Variants in ACOT7 observed in about 807,000 individuals in gnomAD.
ACOT7 encodes the protein acyl-CoA thioesterase 7, also known as cytosolic acyl coenzyme A thioester hydrolase.
ACOT7 carries 12 observed loss-of-function variants against 40.2 expected under a neutral mutation model. The observed-to-expected ratio is 0.30, with a 90% CI of 0.19 to 0.48. The LOEUF is 0.48. ACOT7 is among the 20% of genes least tolerant of loss of function. The pLI, the probability that ACOT7 is intolerant of heterozygous loss-of-function variation, is 0.99. For synonymous variants in ACOT7, 228 were observed against 219.5 expected (o/e 1.04, Z -0.34); for missense variants, 395 against 530.8 (o/e 0.74, Z 2.51).
rs1464405300 is a variant in ACOT7 at position 6,274,185 on chromosome 1, G to A, written c.1014+6917C>T. 3.3e-5 allele frequency among the ~76,000 whole-genome samples: 5 copies of A among 152,194 alleles called. No homozygotes were observed. The highest frequency in any genetic ancestry group is 5.9e-5 in the Non-Finnish European group (4 of 68,024). On this transcript the variant is annotated intron_variant, in intron 8 of 8. Coordinates refer to ENST00000361521, the MANE Select transcript of ACOT7 (RefSeq NM_007274.4). The surrounding 1 kb of genome is among the most constrained non-coding windows in gnomAD (Gnocchi z 5.9). ...CCCCATGCTTCCTCCTAAGTGCAAA[G>A]GGGCGAGGGACCTTCCAATTACAGC...
At chr1:6,335,327 C>CAAAA (rs58439931) in intron 3 of ACOT7, among the ~76,000 whole-genome samples, 10 of 58,330 alleles carry the variant, frequency 1.7e-4, no homozygotes, top group African/African-American at 5.6e-4. Flanking sequence ...AACTCTGCCT[C>CAAAA]AAAAAAAAAA....
At position 6,358,716 on chromosome 1, in the gene ACOT7, T is replaced by G. The variant is rs954559631; in HGVS notation, c.144-8850A>C. 2.6e-6 allele frequency: 3 copies of G among 1,149,612 alleles called. No homozygotes were observed. The highest frequency in any genetic ancestry group is 3.8e-6 in the Non-Finnish European group (3 of 782,700). 71.2% of individuals were successfully genotyped at this position (1,149,612 alleles called of 1,614,324 possible). On this transcript the variant is annotated intron_variant, in intron 1 of 8. Coordinates refer to ENST00000361521, the MANE Select transcript of ACOT7 (RefSeq NM_007274.4). The surrounding 1 kb of genome is among the most constrained non-coding windows in gnomAD (Gnocchi z 4.1). ...GGCTGCATGACACCAGCCAGCCTGC[T>G]GGGCACAGGGGCCGAGTCCCCTCTA...
chr1:6,393,510 C>T lies in ACOT7; in HGVS notation c.-111G>A. The stretch of plus-strand genomic sequence containing the variant: ...GACCCCGCCCCCGCGCCGGCCCCAC[C>T]CCGAGCCCCGCCTCCCAGGCCGCCA... On this transcript the variant is annotated 5_prime_UTR_variant, in exon 1 of 9. Coordinates refer to ENST00000361521, the MANE Select transcript of ACOT7 (RefSeq NM_007274.4). 1.0e-6 allele frequency: 1 copy of T among 1,001,130 alleles called. No homozygotes were observed. The highest frequency in any genetic ancestry group is 1.3e-6 in the Non-Finnish European group (1 of 786,416). 62.0% of individuals were successfully genotyped at this position (1,001,130 alleles called of 1,614,324 possible). A position where few individuals can be genotyped will look rare whatever the true frequency, so the allele number is the denominator to read the frequency against.
intron 6 of ACOT7, among the ~76,000 whole-genome samples, chr1:6,298,915 G>C (rs1244467585): frequency 6.6e-6 from 1 of 152,238 alleles, no homozygotes. Flanking sequence ...GGCAGCCTCA[G>C]CTTCTGAATT....
chr1:6,353,570 G>C (rs528333932), intron 1 of ACOT7, among the ~76,000 whole-genome samples: 8 of 152,168 alleles, frequency 5.3e-5, no homozygotes, highest in Admixed American at 2.6e-4. Context: ...AAAGGCAGAG[G>C]TTGCAGTGGG....
At chr1:6,320,489 C>T (rs769949656) in intron 5 of ACOT7, among the ~76,000 whole-genome samples, 5 of 152,090 alleles carry the variant, frequency 3.3e-5, no homozygotes, top group African/African-American at 4.8e-5. Context: ...GTTGGAGATG[C>T]GGGGATTCAG....
chr1:6,364,317 G>C (rs1054503852), intron 1 of ACOT7, among the ~76,000 whole-genome samples: 2 of 148,446 alleles, frequency 1.3e-5, no homozygotes, highest in African/African-American at 2.5e-5. Context: ...CAAGGCAGGT[G>C]GATCACCTGA....
Position 6,358,730 on chromosome 1 carries a change from G to T in ACOT7, c.144-8864C>A, listed in dbSNP as rs1435249615. On this transcript the variant is annotated intron_variant, in intron 1 of 8. Coordinates refer to ENST00000361521, the MANE Select transcript of ACOT7 (RefSeq NM_007274.4). The surrounding 1 kb of genome is among the most constrained non-coding windows in gnomAD (Gnocchi z 4.1). Reference sequence around the variant, plus strand: ...AGCCAGCCTGCTGGGCACAGGGGCCGAGTCCCCTCTACCCACCCTTCCCTT... The same window carrying T: ...AGCCAGCCTGCTGGGCACAGGGGCCTAGTCCCCTCTACCCACCCTTCCCTT... 1.4e-5 allele frequency: 18 copies of T among 1,291,302 alleles called. No homozygotes were observed. The Middle Eastern group carries it at 9.3e-4, about 67-fold the overall frequency. The allele number at this position is 1,291,302 out of a possible 1,614,324, so 80.0% of individuals were successfully genotyped here. A position where few individuals can be genotyped will look rare whatever the true frequency, so the allele number is the denominator to read the frequency against.
intron 6 of ACOT7, among the ~76,000 whole-genome samples, chr1:6,315,678 G>A (rs1452532674): frequency 6.7e-6 from 1 of 148,480 alleles, no homozygotes; most frequent in African/African-American, 2.5e-5. Context: ...GTGAACCCGG[G>A]AGGCAGAGCT....
rs1640560459 is a variant in ACOT7 at position 6,318,637 on chromosome 1, G to A, written c.626-59C>T. ...GTAGGCTGATTCCCACAGCTGAATGGTCTGGCAATGCCGAAACCACCCTCA... is the reference window on the plus strand; with the variant it reads ...GTAGGCTGATTCCCACAGCTGAATGATCTGGCAATGCCGAAACCACCCTCA... On this transcript the variant is annotated intron_variant, in intron 5 of 8. Coordinates refer to ENST00000361521, the MANE Select transcript of ACOT7 (RefSeq NM_007274.4). 8.3e-6 allele frequency: 13 copies of A among 1,559,082 alleles called. No individual in the cohort carries two copies. The Admixed American group carries it at 1.2e-4, about 15-fold the overall frequency.
rs1430726655 is a variant in ACOT7, at chr1:6,359,695, C to G, written c.144-9829G>C. ...GCCAGGGTGCAGGCTACAGGAGGCC[C>G]AGTGCAGGAGGCGGGATGTGTTATC... On this transcript the variant is annotated intron_variant, in intron 1 of 8. Transcript: ENST00000361521. This position sits in a 1 kb window ranked among gnomAD's most constrained non-coding sequence, Gnocchi z 4.1. Among the ~76,000 whole-genome samples, 2 of 152,176 alleles carry G rather than the reference C, an allele frequency of 1.3e-5. No homozygotes were observed. The highest frequency in any genetic ancestry group is 1.9e-4 in the East Asian group (1 of 5,196).
intron 6 of ACOT7, among the ~76,000 whole-genome samples, chr1:6,307,858 C>A (rs1640203654): frequency 6.8e-6 from 1 of 147,900 alleles, no homozygotes; most frequent in Non-Finnish European, 1.5e-5. Flanking sequence ...GCAGAGGGAA[C>A]CACAAACAGG....
chr1:6,271,816 G>A lies in ACOT7; in HGVS notation c.1015-7121C>T, dbSNP rs906804566. On this transcript the variant is annotated intron_variant, in intron 8 of 8. Transcript: ENST00000361521. Reference sequence around the variant, plus strand: ...ACCCAGCAGCACCGGCTCAGACTCCGAAAGAACTGCCCCCAAGTGGGGCCA... The same window carrying A: ...ACCCAGCAGCACCGGCTCAGACTCCAAAAGAACTGCCCCCAAGTGGGGCCA... Among the ~76,000 whole-genome samples, 22 of 152,392 alleles carry A rather than the reference G, an allele frequency of 1.4e-4. 1 individual carries two copies. In the East Asian group the frequency reaches 2.3e-3, roughly 16 times the overall value.
At chr1:6,298,424 T>G (rs1639873562) in intron 6 of ACOT7, among the ~76,000 whole-genome samples, 1 of 152,230 alleles carries the variant, frequency 6.6e-6, no homozygotes, top group Non-Finnish European at 1.5e-5. Context: ...TGTGAGCTAC[T>G]GCGCCCAGGT....
At chr1:6,323,443 T>A (rs1162254564) in intron 5 of ACOT7, among the ~76,000 whole-genome samples, 1 of 151,832 alleles carries the variant, frequency 6.6e-6, no homozygotes, top group Non-Finnish European at 1.5e-5. Context: ...TCTGGCCAGG[T>A]ATGGTGGCTC....
intron 4 of ACOT7, among the ~76,000 whole-genome samples, chr1:6,327,991 C>G (rs2148431578): frequency 6.6e-6 from 1 of 152,274 alleles, no homozygotes; most frequent in African/African-American, 2.4e-5. Context: ...CCAGGCTCAT[C>G]TTGATCTCTT....
intron 1 of ACOT7, among the ~76,000 whole-genome samples, chr1:6,369,144 T>C (rs1231294081): frequency 1.3e-5 from 2 of 151,308 alleles, no homozygotes; most frequent in East Asian, 2.0e-4. Context: ...CCACCACATC[T>C]AGCTACGTTT....
At chr1:6,365,410 C>T (rs1372040525) in intron 1 of ACOT7, among the ~76,000 whole-genome samples, 1 of 152,096 alleles carries the variant, frequency 6.6e-6, no homozygotes, top group Middle Eastern at 3.2e-3. Context: ...GTAAAAGTTA[C>T]ACTGTAGTCT....
At chr1:6,276,194 G>C (rs1363321826) in intron 8 of ACOT7, among the ~76,000 whole-genome samples, 1 of 152,160 alleles carries the variant, frequency 6.6e-6, no homozygotes, top group Non-Finnish European at 1.5e-5. Flanking sequence ...GCAAGAATCA[G>C]AGGCAAGTAC....
Sources: gnomAD v4.1 joint callset for allele counts (sites outside exome capture counted in the v4.1 genomes callset) on GRCh38, gnomAD v4.1.1 for gene constraint, Gnocchi (gnomAD v3.1) non-coding constraint, MANE v1.5 for transcripts, NCBI Gene and HGNC (gene_info 2026-07-23, HGNC 2026-07-21) for gene names.